ASAP2: variants seen among roughly 807,000 people sequenced by gnomAD.
ASAP2 encodes ArfGAP with SH3 domain, ankyrin repeat and PH domain 2.
Under a neutral mutation model 131.4 loss-of-function variants are expected in ASAP2, and 45 were observed. The observed-to-expected ratio is 0.34, with a 90% CI of 0.27 to 0.44. The LOEUF is 0.44. Ranked by LOEUF, ASAP2 falls within the 20% of genes least tolerant of loss-of-function variation. ASAP2 has a pLI of 1.00. For missense variants in ASAP2, 1,011 were observed against 1,297.0 expected (o/e 0.78, Z 3.39); for synonymous variants, 510 against 503.0 (o/e 1.01, Z -0.19).
intron 16 of ASAP2, among the ~76,000 whole-genome samples, chr2:9,369,093 A>G (rs1280526194): frequency 1.3e-5 from 2 of 150,804 alleles, no homozygotes; most frequent in Non-Finnish European, 2.9e-5. Flanking sequence ...ATCTCGGCTC[A>G]CTGCAACCTC....
intron 3 of ASAP2, 64 bp from the exon 4 acceptor site, chr2:9,318,460 G>T: frequency 8.2e-7 from 1 of 1,216,984 alleles, no homozygotes; most frequent in Admixed American, 1.8e-5. Context: ...TAATGTCCTT[G>T]CTGTCCTTAC....
rs1432622490 is a variant in ASAP2, at chr2:9,207,305, A to C, written c.126+75A>C. 1 of 1,438,912 alleles carries C rather than the reference A, an allele frequency of 6.9e-7. No homozygotes were observed. The highest frequency in any genetic ancestry group is 1.5e-5 in the African/African-American group (1 of 66,676). 89.1% of individuals were successfully genotyped at this position (1,438,912 alleles called of 1,614,324 possible). The stretch of plus-strand genomic sequence containing the variant: ...CCCCGCCCGCCGCTCCCGCATCCGC[A>C]TCCCGAGAAAACTTTCTTTGCTCCG... On this transcript the variant is annotated intron_variant, in intron 1 of 27. Coordinates refer to ENST00000281419, the MANE Select transcript of ASAP2 (RefSeq NM_003887.3). This position sits in a 1 kb window ranked among gnomAD's most constrained non-coding sequence, Gnocchi z 4.1.
intron 1 of ASAP2, among the ~76,000 whole-genome samples, chr2:9,223,548 T>C (rs1383005601): frequency 6.6e-6 from 1 of 152,182 alleles, no homozygotes; most frequent in Non-Finnish European, 1.5e-5. Flanking sequence ...CAGAAATTTG[T>C]TAATTTTTTT....
intron 1 of ASAP2, among the ~76,000 whole-genome samples, chr2:9,233,386 A>T (rs930056583): frequency 1.3e-5 from 2 of 152,180 alleles, no homozygotes; most frequent in African/African-American, 4.8e-5. Context: ...ATTTTCCTTT[A>T]TGGGCTCTGG....
Position 9,281,735 on chromosome 2 carries a change from A to T in ASAP2, c.199+2346A>T, listed in dbSNP as rs1667138928. 6.6e-6 allele frequency among the ~76,000 whole-genome samples: 1 copy of T among 152,158 alleles called. No individual in the cohort carries two copies. Among genetic ancestry groups the T allele is most frequent in the Admixed American group, 6.5e-5 (1 of 15,274 alleles). On this transcript the variant is annotated intron_variant, in intron 2 of 27. Coordinates refer to ENST00000281419, the MANE Select transcript of ASAP2 (RefSeq NM_003887.3). The surrounding 1 kb of genome is among the most constrained non-coding windows in gnomAD (Gnocchi z 4.0). ...ACCACAGATCCATCCAAAGATTTTA[A>T]TGTGCTAGTAATGTGGATTGTGAGT... is the stretch of plus-strand genomic sequence containing the variant.
In ASAP2 at chr2:9,376,061, C is replaced by A. The variant is rs183723508; in HGVS notation, c.1747-847C>A. On this transcript the variant is annotated intron_variant, in intron 17 of 27. Coordinates refer to ENST00000281419, the MANE Select transcript of ASAP2 (RefSeq NM_003887.3). ...CCCCTGGAACCTCCTGACCTCAGGA[C>A]TGGGCTGGCTGCCTATCAGCAAGGA... Among the ~76,000 whole-genome samples, 36 of 152,354 alleles carry A rather than the reference C, an allele frequency of 2.4e-4. 1 individual carries two copies. Among genetic ancestry groups the A allele is most frequent in the African/African-American group, 6.5e-4 (27 of 41,594 alleles).
chr2:9,293,531 A>G (rs1379215531), intron 2 of ASAP2, among the ~76,000 whole-genome samples: 3 of 152,174 alleles, frequency 2.0e-5, no homozygotes, highest in African/African-American at 4.8e-5. Flanking sequence ...TTCCCAAGCT[A>G]TTTATTTTAG....
chr2:9,315,172 A>T (rs1339326325), intron 3 of ASAP2, among the ~76,000 whole-genome samples: 2 of 152,156 alleles, frequency 1.3e-5, no homozygotes, highest in African/African-American at 2.4e-5. Context: ...GAAAATAAGG[A>T]TGGATTGTGG....
At chr2:9,384,004 G>T (rs1462426362) in intron 20 of ASAP2, among the ~76,000 whole-genome samples, 16 of 151,998 alleles carry the variant, frequency 1.1e-4, no homozygotes, top group Non-Finnish European at 1.8e-4. Context: ...CACAAACCGG[G>T]GCCTGTCATG....
At chr2:9,361,785 G>A (rs1005700390) in intron 15 of ASAP2, among the ~76,000 whole-genome samples, 16 of 152,162 alleles carry the variant, frequency 1.1e-4, no homozygotes, top group South Asian at 6.2e-4. Flanking sequence ...GGCTGGTCTC[G>A]AACTCCTGGA....
chr2:9,298,479 T>A (rs902716347), intron 3 of ASAP2, among the ~76,000 whole-genome samples: 1 of 152,212 alleles, frequency 6.6e-6, no homozygotes, highest in East Asian at 1.9e-4. Flanking sequence ...GTTTCTCTGC[T>A]CGAGCTTTTC....
intron 2 of ASAP2, among the ~76,000 whole-genome samples, chr2:9,282,146 C>G (rs1667166955): frequency 1.3e-5 from 2 of 152,206 alleles, no homozygotes; most frequent in Admixed American, 1.3e-4. Flanking sequence ...TCCTTGGGCT[C>G]ATGTCCTTTT....
rs750672904 is a variant in ASAP2, at chr2:9,323,285, G to T, written c.600+35G>T. ...TGGTGAAGGCAGGTCCTACAGCCCAGGCTGTGCCGGCTCTGCCCTCACCTG... is the reference window on the plus strand; with the variant it reads ...TGGTGAAGGCAGGTCCTACAGCCCATGCTGTGCCGGCTCTGCCCTCACCTG... On this transcript the variant is annotated intron_variant, in intron 6 of 27. Coordinates refer to ENST00000281419, the MANE Select transcript of ASAP2 (RefSeq NM_003887.3). 3.1e-6 allele frequency: 5 copies of T among 1,612,086 alleles called. No individual in the cohort carries two copies. In the East Asian group the frequency reaches 1.1e-4, roughly 36 times the overall value.
chr2:9,345,761 G>A (rs922522002), intron 11 of ASAP2, among the ~76,000 whole-genome samples: 4 of 152,150 alleles, frequency 2.6e-5, no homozygotes, highest in African/African-American at 9.7e-5. Context: ...GAGCTGGGCA[G>A]GAGCTCAGAG....
intron 1 of ASAP2, among the ~76,000 whole-genome samples, chr2:9,252,621 A>G (rs980346727): frequency 1.3e-5 from 2 of 151,542 alleles, no homozygotes; most frequent in African/African-American, 2.4e-5. Context: ...ACAGTTAAAG[A>G]ATTTAGGAAC....
chr2:9,365,922 C>G (rs1012575037), intron 15 of ASAP2, among the ~76,000 whole-genome samples: 2 of 150,158 alleles, frequency 1.3e-5, no homozygotes, highest in Non-Finnish European at 2.9e-5. Context: ...TGATACAGAA[C>G]TTAAACACTC....
At chr2:9,375,850 C>G (rs1572581880) in intron 17 of ASAP2, among the ~76,000 whole-genome samples, 1 of 152,210 alleles carries the variant, frequency 6.6e-6, no homozygotes, top group South Asian at 2.1e-4. Flanking sequence ...TCCCTGGAAC[C>G]CACACCCCAC....
intron 3 of ASAP2, among the ~76,000 whole-genome samples, chr2:9,302,969 G>C (rs990097869): frequency 9.9e-5 from 15 of 152,120 alleles, no homozygotes; most frequent in African/African-American, 3.6e-4. Flanking sequence ...GCCCAGTGCT[G>C]TCAGGCTTAG....
At chr2:9,368,331 G>A (rs932385557) in intron 15 of ASAP2, 94 bp from the exon 16 acceptor site, 9 of 1,115,252 alleles carry the variant, frequency 8.1e-6, no homozygotes, top group Non-Finnish European at 1.3e-6. Context: ...TTTCTTAGTG[G>A]CCATTAAATA....
Sources: gnomAD v4.1 joint callset for allele counts (sites outside exome capture counted in the v4.1 genomes callset) on GRCh38, gnomAD v4.1.1 for gene constraint, Gnocchi (gnomAD v3.1) non-coding constraint, MANE v1.5 for transcripts, NCBI Gene and HGNC (gene_info 2026-07-23, HGNC 2026-07-21) for gene names.